Variants in THSD7B observed in about 807,000 individuals in gnomAD.
The protein encoded by THSD7B is thrombospondin type-1 domain-containing protein 7B.
A neutral mutation model predicts 213.6 loss-of-function variants in THSD7B; 138 were observed. That is an observed-to-expected ratio of 0.65 (90% CI 0.56 to 0.74). THSD7B has a LOEUF of 0.74. THSD7B is among the 30% of genes least tolerant of loss of function. The probability of loss-of-function intolerance (pLI) is 0.00; values close to 1 mark genes in which losing one functional copy is unlikely to be tolerated. For missense variants in THSD7B, 1,931 were observed against 1,991.5 expected, an observed-to-expected ratio of 0.97 and a Z score of 0.58; for synonymous variants, 742 against 687.0, an observed-to-expected ratio of 1.08 and a Z score of -1.25.
chr2:137,411,272 G>A (rs79953203), intron 13 of THSD7B, among the ~76,000 whole-genome samples: 2,176 of 152,274 alleles, frequency 0.014, 69 homozygotes, highest in African/African-American at 0.051. Context: ...AGGAGAATGG[G>A]GACAGGGTTA....
chr2:137,410,147 G>A (rs4954505), intron 13 of THSD7B, among the ~76,000 whole-genome samples: 87,690 of 152,056 alleles, frequency 0.58, 27,771 homozygotes, highest in East Asian at 0.77. Flanking sequence ...TTTCATGGCT[G>A]TGGTGGAAGC....
chr2:136,914,640 G>C (rs1349510681), intron 2 of THSD7B, among the ~76,000 whole-genome samples: 8 of 152,136 alleles, frequency 5.3e-5, no homozygotes, highest in South Asian at 4.1e-4. Flanking sequence ...GGTTTATCAG[G>C]GGTTTCTGCT....
At chr2:137,557,343 T>C (rs1401527813) in intron 15 of THSD7B, among the ~76,000 whole-genome samples, 1 of 152,144 alleles carries the variant, frequency 6.6e-6, no homozygotes, top group Non-Finnish European at 1.5e-5. Flanking sequence ...ACAAACTGTC[T>C]CTCAGACCAC....
At position 137,563,277 on chromosome 2, in the gene THSD7B, A is replaced by G. The variant is rs1024908366; in HGVS notation, c.3195A>G (p.Glu1065=). The change falls in exon 16 of 28, where the codon GAA becomes GAG. Residue 1065 remains glutamate, a synonymous_variant. Coordinates refer to ENST00000409968, the MANE Select transcript of THSD7B (RefSeq NM_001316349.2). ...GCAATCAGTATTCCTGGGTTGTAGAACACTGGTCTTCATGCAAAATCAACA... is the reference window on the plus strand; with the variant it reads ...GCAATCAGTATTCCTGGGTTGTAGAGCACTGGTCTTCATGCAAAATCAACA... ...SECNQYSWVV[E]HWSSCKINNE... 2.5e-6 allele frequency: 4 copies of G among 1,613,428 alleles called. No homozygotes were observed. The African/African-American group carries it at 5.3e-5, about 22-fold the overall frequency.
At chr2:137,515,713 C>T (rs563657803) in intron 15 of THSD7B, among the ~76,000 whole-genome samples, 17 of 151,456 alleles carry the variant, frequency 1.1e-4, no homozygotes, top group Non-Finnish European at 2.1e-4. Context: ...AAAAAAGTTT[C>T]TAATAATTTA....
chr2:136,779,019 T>C (rs1409227782), intron 1 of THSD7B, among the ~76,000 whole-genome samples: 1 of 152,178 alleles, frequency 6.6e-6, no homozygotes, highest in Non-Finnish European at 1.5e-5. Flanking sequence ...AGCAAAACTA[T>C]GGTTAATGAT....
At chr2:137,032,497 T>A (rs1260970307) in intron 2 of THSD7B, among the ~76,000 whole-genome samples, 10 of 152,198 alleles carry the variant, frequency 6.6e-5, no homozygotes, top group African/African-American at 2.4e-4. Flanking sequence ...CTCCAGCAGA[T>A]GTTCACCAAC....
chr2:137,561,348 A>C (rs1681115339), intron 15 of THSD7B, among the ~76,000 whole-genome samples: 1 of 152,210 alleles, frequency 6.6e-6, no homozygotes, highest in South Asian at 2.1e-4. Flanking sequence ...AGTTCTACTT[A>C]GTATTGATAG....
chr2:137,545,110 G>T (rs140258316), intron 15 of THSD7B, among the ~76,000 whole-genome samples: 1 of 151,888 alleles, frequency 6.6e-6, no homozygotes, highest in East Asian at 1.9e-4. Context: ...GAATGCAGCT[G>T]TATTTTTGAT....
intron 12 of THSD7B, among the ~76,000 whole-genome samples, chr2:137,303,611 A>C (rs1255061940): frequency 1.4e-5 from 2 of 147,286 alleles, no homozygotes; most frequent in Non-Finnish European, 3.0e-5. Flanking sequence ...TAATAGAAAA[A>C]GTTTAATTGT....
intron 12 of THSD7B, among the ~76,000 whole-genome samples, chr2:137,366,343 A>T (rs1335806980): frequency 6.6e-6 from 1 of 152,150 alleles, no homozygotes; most frequent in Non-Finnish European, 1.5e-5. Flanking sequence ...ATACATATGT[A>T]ACAAACCTGC....
intron 21 of THSD7B, among the ~76,000 whole-genome samples, chr2:137,644,806 G>A (rs1177539993): frequency 6.6e-6 from 1 of 152,160 alleles, no homozygotes; most frequent in East Asian, 1.9e-4. Flanking sequence ...GGGAGGTGAT[G>A]ATATTTAGGT....
At chr2:136,907,261 A>G (rs1684181390) in intron 2 of THSD7B, among the ~76,000 whole-genome samples, 1 of 152,102 alleles carries the variant, frequency 6.6e-6, no homozygotes, top group South Asian at 2.1e-4. Context: ...TGTCATTTTT[A>G]TACAAGTTTT....
intron 12 of THSD7B, among the ~76,000 whole-genome samples, chr2:137,368,814 T>C (rs1157794606): frequency 6.6e-6 from 1 of 152,078 alleles, no homozygotes; most frequent in Admixed American, 6.6e-5. Context: ...ATAAAATGTG[T>C]TCATTATGTT....
At chr2:137,033,788 A>G (rs990441513) in intron 2 of THSD7B, among the ~76,000 whole-genome samples, 2 of 151,334 alleles carry the variant, frequency 1.3e-5, no homozygotes, top group Non-Finnish European at 2.9e-5. Context: ...AATTTTTTTT[A>G]ACACTTTTTT....
Position 137,232,935 on chromosome 2 carries a change from AG to A in THSD7B, c.1953del (p.Glu651AspfsTer29). ...KPCPPSQALQ[E>X]HRLCNDHSCM... ...TGTCCCCCTAGTCAGGCTCTCCAAG[AG>A]CATCGTTTGTGTAATGACCATTCCT... On this transcript the variant is annotated frameshift_variant, in exon 9 of 28. Coordinates refer to ENST00000409968, the MANE Select transcript of THSD7B (RefSeq NM_001316349.2). LOFTEE classifies it high-confidence loss of function. 1 of 1,613,934 alleles carries A rather than the reference AG, an allele frequency of 6.2e-7. No homozygotes were observed.
At chr2:137,519,125 G>T (rs10198533) in intron 15 of THSD7B, among the ~76,000 whole-genome samples, 2 of 151,810 alleles carry the variant, frequency 1.3e-5, no homozygotes, top group East Asian at 1.9e-4. Flanking sequence ...GGTGGCGTGC[G>T]CCTATAGTCC....
chr2:136,890,395 C>CTTCTTCT (rs1558840037), intron 2 of THSD7B, among the ~76,000 whole-genome samples: 1 of 526 alleles, frequency 1.9e-3, no homozygotes, highest in African/African-American at 3.8e-3. Context: ...CTTCCTCTTC[C>CTTCTTCT]TCTTCCTCTT....
intron 12 of THSD7B, among the ~76,000 whole-genome samples, chr2:137,335,848 C>T (rs1684627275): frequency 1.3e-5 from 2 of 152,062 alleles, no homozygotes; most frequent in South Asian, 4.1e-4. Flanking sequence ...GAATATTGCC[C>T]TATCAAGTTT....
Sources: gnomAD v4.1 joint callset for allele counts (sites outside exome capture counted in the v4.1 genomes callset) on GRCh38, gnomAD v4.1.1 for gene constraint, MANE v1.5 for transcripts, NCBI Gene and HGNC (gene_info 2026-07-23, HGNC 2026-07-21) for gene names.